Variants in GRIN3A observed in about 807,000 individuals in gnomAD.
GRIN3A encodes the protein glutamate ionotropic receptor NMDA type subunit 3A.
A neutral mutation model predicts 92.4 loss-of-function variants in GRIN3A; 47 were observed. The observed-to-expected ratio is 0.51, with a 90% confidence interval of 0.40 to 0.65. GRIN3A has a LOEUF of 0.65. GRIN3A is among the 30% of genes least tolerant of loss of function. GRIN3A has a pLI of 0.00. For synonymous variants in GRIN3A, 527 were observed against 540.6 expected, an observed-to-expected ratio of 0.97 and a Z score of 0.35; for missense variants, 1,324 against 1,393.1, an observed-to-expected ratio of 0.95 and a Z score of 0.79.
At chr9:101,598,034 G>A (rs577275435) in intron 6 of GRIN3A, among the ~76,000 whole-genome samples, 53 of 152,248 alleles carry the variant, frequency 3.5e-4, no homozygotes, top group African/African-American at 1.2e-3. Flanking sequence ...AGTATGTGGG[G>A]ATAAAGTAGA....
intron 1 of GRIN3A, among the ~76,000 whole-genome samples, chr9:101,696,826 C>A (rs1483361908): frequency 6.6e-6 from 1 of 152,072 alleles, no homozygotes; most frequent in African/African-American, 2.4e-5. Flanking sequence ...AGAATGAAAA[C>A]TCAGCTAAAC....
chr9:101,636,836 G>T (rs528174769), intron 3 of GRIN3A, among the ~76,000 whole-genome samples: 2 of 152,300 alleles, frequency 1.3e-5, no homozygotes, highest in African/African-American at 2.4e-5. Flanking sequence ...TTTGAACAGT[G>T]TTGTTTACAA....
At chr9:101,603,814 T>C (rs1249958422) in intron 6 of GRIN3A, among the ~76,000 whole-genome samples, 4 of 152,188 alleles carry the variant, frequency 2.6e-5, no homozygotes, top group Admixed American at 2.6e-4. Context: ...CAAGGCCAAA[T>C]TGCATTGCTT....
chr9:101,654,648 G>A (rs916794403), intron 3 of GRIN3A, among the ~76,000 whole-genome samples: 51 of 151,268 alleles, frequency 3.4e-4, no homozygotes, highest in African/African-American at 1.2e-3. Flanking sequence ...TGCCTATTAA[G>A]AGAGGTTTCC....
intron 3 of GRIN3A, among the ~76,000 whole-genome samples, chr9:101,650,221 G>A (rs1451189014): frequency 2.6e-5 from 4 of 151,978 alleles, no homozygotes; most frequent in African/African-American, 7.2e-5. Context: ...GATTAAGTAG[G>A]TGCAGTGGAC....
chr9:101,610,617 CTATCTATCATCT>C (rs1828351746), intron 6 of GRIN3A, among the ~76,000 whole-genome samples: 2 of 142,590 alleles, frequency 1.4e-5, no homozygotes, highest in South Asian at 4.5e-4. Flanking sequence ...ATCTATCTAT[CTATCTATCATCT>C]ATCTATCTAC....
chr9:101,653,205 A>G (rs1450974453), intron 3 of GRIN3A, among the ~76,000 whole-genome samples: 1 of 151,958 alleles, frequency 6.6e-6, no homozygotes, highest in Non-Finnish European at 1.5e-5. Context: ...AAAGAATTAT[A>G]ATTGCCAAGG....
At chr9:101,652,432 G>A (rs1829026091) in intron 3 of GRIN3A, among the ~76,000 whole-genome samples, 1 of 151,900 alleles carries the variant, frequency 6.6e-6, no homozygotes, top group African/African-American at 2.4e-5. Context: ...AGAAAAAAAG[G>A]AATGAAGAAA....
At chr9:101,641,163 T>C (rs1036731802) in intron 3 of GRIN3A, among the ~76,000 whole-genome samples, 2 of 152,140 alleles carry the variant, frequency 1.3e-5, no homozygotes, top group African/African-American at 4.8e-5. Flanking sequence ...TGTGGAGAAA[T>C]AGGAATACTT....
At chr9:101,688,545 A>G (rs1298015834) in intron 1 of GRIN3A, among the ~76,000 whole-genome samples, 3 of 152,184 alleles carry the variant, frequency 2.0e-5, no homozygotes, top group Non-Finnish European at 4.4e-5. Flanking sequence ...GGGAATTAGA[A>G]GCCCCTCAAG....
chr9:101,724,610 G>A (rs1830062034), intron 1 of GRIN3A, among the ~76,000 whole-genome samples: 1 of 152,204 alleles, frequency 6.6e-6, no homozygotes, highest in South Asian at 2.1e-4. Flanking sequence ...TGGGATCCCA[G>A]GCAGAGGAGG....
At chr9:101,682,576 A>G (rs1572560) in intron 2 of GRIN3A, among the ~76,000 whole-genome samples, 120,335 of 152,216 alleles carry the variant, frequency 0.79, 48,046 homozygotes, top group African/African-American at 0.87. Context: ...CTACCCGACC[A>G]TAGTTCAACA....
intron 1 of GRIN3A, among the ~76,000 whole-genome samples, chr9:101,694,080 G>T (rs933404417): frequency 1.3e-5 from 2 of 152,134 alleles, no homozygotes; most frequent in Admixed American, 1.3e-4. Context: ...TGGTGCAGTT[G>T]ACATAATATT....
At chr9:101,613,287 A>T in intron 6 of GRIN3A, 89 bp downstream of exon 6, 1 of 1,353,536 alleles carries the variant, frequency 7.4e-7, no homozygotes, top group Non-Finnish European at 1.1e-6. Flanking sequence ...GCAATAACCT[A>T]GATGATGAGG....
intron 3 of GRIN3A, among the ~76,000 whole-genome samples, chr9:101,664,738 C>A (rs2118939256): frequency 6.6e-6 from 1 of 152,056 alleles, no homozygotes; most frequent in East Asian, 1.9e-4. Context: ...TTGGTTAAAG[C>A]CAATGAATTT....
intron 3 of GRIN3A, among the ~76,000 whole-genome samples, chr9:101,668,106 T>C (rs1166992886): frequency 6.6e-6 from 1 of 152,124 alleles, no homozygotes; most frequent in Non-Finnish European, 1.5e-5. Flanking sequence ...ATTAAAAAAT[T>C]TCACTCTTTA....
At chr9:101,691,351 G>C (rs948188564) in intron 1 of GRIN3A, among the ~76,000 whole-genome samples, 19 of 152,072 alleles carry the variant, frequency 1.2e-4, no homozygotes, top group Admixed American at 2.6e-4. Context: ...GAAAATTACT[G>C]TAAATGAAAT....
At chr9:101,620,845 A>T (rs1828542621) in intron 5 of GRIN3A, among the ~76,000 whole-genome samples, 1 of 152,262 alleles carries the variant, frequency 6.6e-6, no homozygotes, top group South Asian at 2.1e-4. Flanking sequence ...AAGAAACTTA[A>T]ATGTTGTCAA....
intron 8 of GRIN3A, among the ~76,000 whole-genome samples, chr9:101,574,337 C>T (rs1827799944): frequency 6.6e-6 from 1 of 152,138 alleles, no homozygotes; most frequent in South Asian, 2.1e-4. Context: ...GAGTTTCTCA[C>T]TACAAGAATA....
Sources: allele counts gnomAD v4.1 joint callset (sites outside exome capture counted in the v4.1 genomes callset), GRCh38; gene constraint gnomAD v4.1.1; transcripts MANE v1.5; gene names NCBI Gene and HGNC (gene_info 2026-07-23, HGNC 2026-07-21).